Variants in FHOD3 observed in about 807,000 individuals in gnomAD.
FHOD3 encodes formin homology 2 domain containing 3, also known as FH1/FH2 domain-containing protein 3.
A neutral mutation model predicts 173.0 loss-of-function variants in FHOD3; 90 were observed. The observed-to-expected ratio is 0.52, with a 90% CI of 0.44 to 0.62. FHOD3 has a LOEUF of 0.62. Ranked by LOEUF, FHOD3 falls within the 20% of genes least tolerant of loss-of-function variation. FHOD3 has a pLI of 0.00. For synonymous variants in FHOD3, 828 were observed against 823.0 expected (o/e 1.01, Z -0.10); for missense variants, 1,945 against 2,034.7 (o/e 0.96, Z 0.85).
chr18:36,443,988 G>A (rs1307905983), intron 3 of FHOD3, among the ~76,000 whole-genome samples: 3 of 152,136 alleles, frequency 2.0e-5, no homozygotes, highest in African/African-American at 7.2e-5. Context: ...GGCAGATCAC[G>A]AGGTCAGGAG....
chr18:36,355,318 G>A (rs946073887), intron 1 of FHOD3, among the ~76,000 whole-genome samples: 1 of 152,202 alleles, frequency 6.6e-6, no homozygotes, highest in Admixed American at 6.5e-5. Flanking sequence ...CCCAGAGGAT[G>A]CTGTCGATGT....
At chr18:36,693,143 A>G in intron 16 of FHOD3, 66 bp from the exon 17 acceptor site, 2 of 1,475,710 alleles carry the variant, frequency 1.4e-6, no homozygotes, top group Non-Finnish European at 1.9e-6. Flanking sequence ...TGTTTCATCC[A>G]TAAACAAGCA....
At chr18:36,546,165 G>T (rs2057403094) in intron 5 of FHOD3, among the ~76,000 whole-genome samples, 2 of 152,194 alleles carry the variant, frequency 1.3e-5, no homozygotes, top group South Asian at 4.1e-4. Context: ...GCTCTGGCTG[G>T]TGTTACATTC....
intron 17 of FHOD3, among the ~76,000 whole-genome samples, chr18:36,694,196 A>G (rs1419171899): frequency 6.6e-6 from 1 of 152,246 alleles, no homozygotes; most frequent in East Asian, 1.9e-4. Flanking sequence ...GTCAAGTGTT[A>G]TGGCTTACAG....
Position 36,654,483 on chromosome 18 carries a change from T to C in FHOD3, c.1721+1067T>C, listed in dbSNP as rs540152845. ...TATATTTTTTTCAAAACCTTGGGGCTTTAGATTTAACTGATTTAATTCTGG... is the reference window on the plus strand; with the variant it reads ...TATATTTTTTTCAAAACCTTGGGGCCTTAGATTTAACTGATTTAATTCTGG... On this transcript the variant is annotated intron_variant, in intron 13 of 28. Transcript: ENST00000590592. 2.0e-5 allele frequency among the ~76,000 whole-genome samples: 3 copies of C among 152,322 alleles called. No individual in the cohort carries two copies. The South Asian group carries it at 6.2e-4, about 32-fold the overall frequency.
chr18:36,631,891 AATACATTAAAAATTATTGCTTAATG>A (rs2034540368), intron 10 of FHOD3, among the ~76,000 whole-genome samples: 1 of 152,242 alleles, frequency 6.6e-6, no homozygotes, highest in Non-Finnish European at 1.5e-5. Context: ...TTTTCATATC[AATACATTAAAAATTATTGCTTAATG>A]GTACATTAAA....
intron 5 of FHOD3, among the ~76,000 whole-genome samples, chr18:36,559,053 G>A (rs1039745454): frequency 2.0e-5 from 3 of 152,048 alleles, no homozygotes; most frequent in Admixed American, 1.3e-4. Flanking sequence ...CAACCAACTC[G>A]GTCATCTTCA....
intron 4 of FHOD3, among the ~76,000 whole-genome samples, chr18:36,510,653 A>T (rs1371960830): frequency 6.6e-6 from 1 of 152,234 alleles, no homozygotes; most frequent in Non-Finnish European, 1.5e-5. Flanking sequence ...TTCTGACTAG[A>T]CATGAGCTCA....
chr18:36,692,258 GTCTAA>G (rs1360248762), intron 16 of FHOD3, among the ~76,000 whole-genome samples: 1 of 152,232 alleles, frequency 6.6e-6, no homozygotes, highest in Non-Finnish European at 1.5e-5. Context: ...GGAACACCAT[GTCTAA>G]TGCCCATTGT....
intron 20 of FHOD3, among the ~76,000 whole-genome samples, chr18:36,737,949 C>T (rs2041720865): frequency 6.6e-6 from 1 of 152,316 alleles, no homozygotes; most frequent in South Asian, 2.1e-4. Context: ...GGATTTAAAA[C>T]AGTCCCATCT....
chr18:36,655,094 G>C (rs932575941), intron 13 of FHOD3, among the ~76,000 whole-genome samples: 1 of 136,292 alleles, frequency 7.3e-6, no homozygotes, highest in Non-Finnish European at 1.5e-5. Context: ...TACTATCCCA[G>C]TGAACCAAAT....
chr18:36,521,409 G>A (rs1339163592), intron 5 of FHOD3, among the ~76,000 whole-genome samples: 1 of 152,014 alleles, frequency 6.6e-6, no homozygotes, highest in East Asian at 1.9e-4. Flanking sequence ...TTATACCCCA[G>A]TCAGTTCCTC....
intron 5 of FHOD3, among the ~76,000 whole-genome samples, chr18:36,560,706 C>A (rs937122971): frequency 1.3e-5 from 2 of 152,166 alleles, no homozygotes; most frequent in Non-Finnish European, 2.9e-5. Flanking sequence ...GAGGGTAACA[C>A]CTCTCATAGA....
At chr18:36,625,489 T>A in intron 9 of FHOD3, 22 bp from the exon 10 acceptor site, 1 of 1,391,546 alleles carries the variant, frequency 7.2e-7, no homozygotes, top group Non-Finnish European at 9.5e-7. Context: ...GACCTTGCAC[T>A]GGGCGTGCTC....
chr18:36,386,354 T>C (rs1203554183), intron 3 of FHOD3, among the ~76,000 whole-genome samples: 1 of 151,918 alleles, frequency 6.6e-6, no homozygotes, highest in African/African-American at 2.4e-5. Flanking sequence ...TGGCCAGGGG[T>C]GGGCTGACCG....
intron 3 of FHOD3, among the ~76,000 whole-genome samples, chr18:36,380,212 T>C (rs2146253298): frequency 6.6e-6 from 1 of 152,248 alleles, no homozygotes; most frequent in Non-Finnish European, 1.5e-5. Flanking sequence ...AGCAACAGAA[T>C]AAGAAGAAAA....
intron 5 of FHOD3, among the ~76,000 whole-genome samples, chr18:36,538,739 A>G (rs1049029629): frequency 6.6e-6 from 1 of 152,218 alleles, no homozygotes; most frequent in African/African-American, 2.4e-5. Context: ...GGTGAAAAAT[A>G]GGAGTTGACA....
rs1255785049 is a variant in FHOD3, at chr18:36,405,606, C to A, written c.337+32862C>A. 2.0e-5 allele frequency among the ~76,000 whole-genome samples: 3 copies of A among 152,014 alleles called. No homozygotes were observed. In the East Asian group the frequency reaches 5.8e-4, roughly 29 times the overall value. The stretch of plus-strand genomic sequence containing the variant: ...TAAAATACAGGTGGAAATAGGATAA[C>A]AACAACAACAAAAAACAGAAATGGA... On this transcript the variant is annotated intron_variant, in intron 3 of 28. Coordinates refer to ENST00000590592, the MANE Select transcript of FHOD3 (RefSeq NM_001281740.3).
chr18:36,465,153 C>T (rs2052834424), intron 3 of FHOD3, among the ~76,000 whole-genome samples: 2 of 152,198 alleles, frequency 1.3e-5, no homozygotes, highest in African/African-American at 4.8e-5. Context: ...CATGGTGAAA[C>T]CCCATCTCTA....
Sources: allele counts gnomAD v4.1 joint callset (sites outside exome capture counted in the v4.1 genomes callset), GRCh38; gene constraint gnomAD v4.1.1; transcripts MANE v1.5; gene names NCBI Gene and HGNC (gene_info 2026-07-23, HGNC 2026-07-21).